The following RABGAP1L variants were observed in gnomAD, a reference collection of about 807,000 sequenced individuals.
The protein encoded by RABGAP1L is rab GTPase-activating protein 1-like.
RABGAP1L carries 63 observed loss-of-function variants against 137.7 expected under a neutral mutation model. The ratio of observed to expected loss-of-function variants is 0.46; its 90% confidence interval spans 0.37 to 0.56. The LOEUF is 0.56. Ranked by LOEUF, RABGAP1L falls within the 20% of genes least tolerant of loss-of-function variation. The pLI, the probability that RABGAP1L is intolerant of heterozygous loss-of-function variation, is 0.00. For synonymous variants in RABGAP1L, 431 were observed against 433.7 expected (o/e 0.99, Z 0.08); for missense variants, 1,095 against 1,244.0 (o/e 0.88, Z 1.80).
At position 174,664,723 on chromosome 1, in the gene RABGAP1L, C is replaced by CTGCTTTTT. The variant is rs1557963963; in HGVS notation, c.1825-18798_1825-18797insGCTTTTTT. Among the ~76,000 whole-genome samples the CTGCTTTTT allele has an allele frequency of 4.5e-5, 5 of 111,410 alleles. 1 individual carries two copies. Among genetic ancestry groups the CTGCTTTTT allele is most frequent in the African/African-American group, 2.3e-4 (5 of 22,040 alleles). 73.1% of individuals were successfully genotyped at this position (111,410 alleles called of 152,430 possible). ...TCTCTCTCTCTCTCTTTCTTTCTTT[C>CTGCTTTTT]TTTCTGCTTTCTTTTTTTTTTTTTT... On this transcript the variant is annotated intron_variant, in intron 14 of 25. Transcript: ENST00000681986.
intron 13 of RABGAP1L, among the ~76,000 whole-genome samples, chr1:174,575,056 GA>G (rs1668274643): frequency 6.6e-6 from 1 of 152,078 alleles, no homozygotes. Context: ...TCAGCCTTCC[GA>G]GTAGCTGGGA....
chr1:174,494,542 A>G (rs1253933338), intron 13 of RABGAP1L, among the ~76,000 whole-genome samples: 1 of 152,322 alleles, frequency 6.6e-6, no homozygotes, highest in Non-Finnish European at 1.5e-5. Flanking sequence ...CAGAGTCTTA[A>G]TCATTAATTG....
At chr1:174,785,987 G>A (rs1479846385) in intron 18 of RABGAP1L, among the ~76,000 whole-genome samples, 1 of 152,128 alleles carries the variant, frequency 6.6e-6, no homozygotes, top group African/African-American at 2.4e-5. Context: ...AAACATAAAT[G>A]GAAATTTGAA....
At chr1:174,290,727 C>T (rs561316421) in intron 10 of RABGAP1L, among the ~76,000 whole-genome samples, 82 of 149,554 alleles carry the variant, frequency 5.5e-4, no homozygotes, top group Middle Eastern at 3.5e-3. Context: ...CCATATTTCC[C>T]GCAACTTTGC....
At chr1:174,463,761 A>G (rs1397773900) in intron 13 of RABGAP1L, among the ~76,000 whole-genome samples, 1 of 151,830 alleles carries the variant, frequency 6.6e-6, no homozygotes, top group Non-Finnish European at 1.5e-5. Flanking sequence ...TCAAAACCAC[A>G]ATGAGATACC....
At position 174,660,667 on chromosome 1, in the gene RABGAP1L, G is replaced by A. The variant is rs74345067; in HGVS notation, c.1825-22855G>A. 3.3e-4 allele frequency among the ~76,000 whole-genome samples: 51 copies of A among 152,240 alleles called. 1 individual carries two copies. In the East Asian group the frequency reaches 8.1e-3, roughly 24 times the overall value. On this transcript the variant is annotated intron_variant, in intron 14 of 25. Coordinates refer to ENST00000681986, the MANE Select transcript of RABGAP1L (RefSeq NM_001366446.1). ...TCATGCATTCTGTCCCAGCCACACT[G>A]CCAGCCTTGCTCACACTTCAGAGCC...
At chr1:174,676,813 A>G (rs1677661862) in intron 14 of RABGAP1L, among the ~76,000 whole-genome samples, 1 of 152,040 alleles carries the variant, frequency 6.6e-6, no homozygotes, top group Non-Finnish European at 1.5e-5. Flanking sequence ...TTTCTTTTTT[A>G]TGTTACATAA....
chr1:174,862,724 G>A (rs1436436574), intron 19 of RABGAP1L, among the ~76,000 whole-genome samples: 2 of 151,648 alleles, frequency 1.3e-5, no homozygotes, highest in Admixed American at 6.6e-5. Flanking sequence ...TTAGCCCTAC[G>A]GAAGAGGACG....
intron 19 of RABGAP1L, among the ~76,000 whole-genome samples, chr1:174,847,366 C>T (rs1049819857): frequency 2.0e-4 from 31 of 151,432 alleles, no homozygotes; most frequent in African/African-American, 5.1e-4. Context: ...CGGCTGGTAC[C>T]GGTTGTTCCT....
intron 10 of RABGAP1L, among the ~76,000 whole-genome samples, chr1:174,289,884 G>C (rs1029312178): frequency 1.3e-5 from 2 of 152,200 alleles, no homozygotes; most frequent in African/African-American, 4.8e-5. Context: ...CGGGGTTGCT[G>C]GCTGGGCTCT....
At chr1:174,482,832 G>A (rs1659249078) in intron 13 of RABGAP1L, among the ~76,000 whole-genome samples, 1 of 152,086 alleles carries the variant, frequency 6.6e-6, no homozygotes, top group South Asian at 2.1e-4. Flanking sequence ...TTTTATTTGA[G>A]CTTCATAATT....
chr1:174,604,386 T>TACA (rs1670630367), intron 13 of RABGAP1L, among the ~76,000 whole-genome samples: 1 of 152,204 alleles, frequency 6.6e-6, no homozygotes, highest in African/African-American at 2.4e-5. Context: ...TCACACATAC[T>TACA]GTCTCTCTGT....
intron 4 of RABGAP1L, among the ~76,000 whole-genome samples, chr1:174,234,616 A>G (rs1452384642): frequency 1.3e-5 from 2 of 151,536 alleles, no homozygotes; most frequent in East Asian, 3.9e-4. Context: ...TTTCTGTTCC[A>G]TTGATCTATA....
intron 3 of RABGAP1L, among the ~76,000 whole-genome samples, chr1:174,227,866 T>C (rs1282332114): frequency 1.3e-5 from 2 of 151,570 alleles, no homozygotes; most frequent in African/African-American, 2.4e-5. Flanking sequence ...TTTTTTTTTT[T>C]GCTTTAGTCT....
intron 1 of RABGAP1L, among the ~76,000 whole-genome samples, chr1:174,163,143 C>T (rs191839652): frequency 1.3e-5 from 2 of 152,066 alleles, no homozygotes; most frequent in Non-Finnish European, 2.9e-5. Context: ...GTAAAACATA[C>T]TCATTTTTAA....
chr1:174,281,242 G>A (rs1245525574), intron 10 of RABGAP1L, among the ~76,000 whole-genome samples: 1 of 152,130 alleles, frequency 6.6e-6, no homozygotes, highest in Admixed American at 6.6e-5. Flanking sequence ...TCCCTTATTT[G>A]GCCCAGCCTG....
intron 1 of RABGAP1L, among the ~76,000 whole-genome samples, chr1:174,184,410 G>A (rs1469192957): frequency 6.6e-6 from 1 of 152,148 alleles, no homozygotes; most frequent in East Asian, 1.9e-4. Flanking sequence ...GTAAATACCA[G>A]GGAGTGCAAT....
chr1:174,513,240 T>C (rs965794166), intron 13 of RABGAP1L, among the ~76,000 whole-genome samples: 4 of 152,194 alleles, frequency 2.6e-5, no homozygotes. Context: ...TTTTAAGTAT[T>C]ATTTACTTGT....
chr1:174,614,925 C>T (rs532717831), intron 13 of RABGAP1L, among the ~76,000 whole-genome samples: 51 of 152,328 alleles, frequency 3.3e-4, no homozygotes, highest in Non-Finnish European at 3.2e-4. Flanking sequence ...GCTTTCAGCT[C>T]CATCAGCTCC....
Sources: allele counts gnomAD v4.1 joint callset (sites outside exome capture counted in the v4.1 genomes callset), GRCh38; gene constraint gnomAD v4.1.1; transcripts MANE v1.5; gene names NCBI Gene and HGNC (gene_info 2026-07-23, HGNC 2026-07-21).